Variants in NDUFA9 observed in about 807,000 individuals in gnomAD.
NDUFA9 encodes NADH:ubiquinone oxidoreductase subunit A9, also known as NADH dehydrogenase [ubiquinone] 1 alpha subcomplex subunit 9, mitochondrial.
Under a neutral mutation model 45.9 loss-of-function variants are expected in NDUFA9, and 23 were observed. The observed-to-expected ratio is 0.50, with a 90% CI of 0.36 to 0.71. The LOEUF (loss-of-function observed/expected upper bound fraction) is 0.71. Ranked by LOEUF, NDUFA9 falls within the 30% of genes least tolerant of loss-of-function variation. The probability of loss-of-function intolerance (pLI) is 0.00; values close to 1 mark genes in which losing one functional copy is unlikely to be tolerated. For synonymous variants in NDUFA9, 176 were observed against 170.5 expected (o/e 1.03, Z -0.25); for missense variants, 466 against 488.2 (o/e 0.95, Z 0.43).
intron 1 of NDUFA9, among the ~76,000 whole-genome samples, chr12:4,653,203 G>T (rs1945769591): frequency 6.6e-6 from 1 of 152,234 alleles, no homozygotes; most frequent in Non-Finnish European, 1.5e-5. Flanking sequence ...GCCATATGAA[G>T]AATATTTGAC....
intron 8 of NDUFA9, among the ~76,000 whole-genome samples, chr12:4,678,513 C>A (rs573440399): frequency 6.6e-6 from 1 of 151,876 alleles, no homozygotes; most frequent in Non-Finnish European, 1.5e-5. Flanking sequence ...AATGAAAAAA[C>A]AAGTCACAGA....
At chr12:4,677,189 A>G (rs191805393) in intron 8 of NDUFA9, among the ~76,000 whole-genome samples, 2 of 152,380 alleles carry the variant, frequency 1.3e-5, no homozygotes, top group Non-Finnish European at 2.9e-5. Flanking sequence ...ACCTAAAACC[A>G]TAAAAACCTT....
rs1946021361 is a variant in NDUFA9, at chr12:4,692,065, A to T, written c.*4957A>T. The T allele has an allele frequency of 6.6e-6, 1 of 152,156 alleles. No homozygotes were observed. The highest frequency in any genetic ancestry group is 2.1e-4 in the South Asian group (1 of 4,822). The allele number at this position is 152,156 out of a possible 1,614,324, so 9.4% of individuals were successfully genotyped here. On this transcript the variant is annotated 3_prime_UTR_variant, in exon 11 of 11. Coordinates refer to ENST00000266544, the MANE Select transcript of NDUFA9 (RefSeq NM_005002.5). ...AAAACTGGCAAGAGGCTGAGGGAAGATGTATGTCTCAAAGGGGAACTCAAA... is the reference window on the plus strand; with the variant it reads ...AAAACTGGCAAGAGGCTGAGGGAAGTTGTATGTCTCAAAGGGGAACTCAAA...
chr12:4,663,635 T>G (rs545335375), intron 6 of NDUFA9, among the ~76,000 whole-genome samples: 2 of 152,342 alleles, frequency 1.3e-5, no homozygotes, highest in East Asian at 3.9e-4. Flanking sequence ...GCTGGCACTT[T>G]GATCTTGAAT....
At chr12:4,654,606 C>A in intron 2 of NDUFA9, 144 bp downstream of exon 2, 1 of 1,007,290 alleles carries the variant, frequency 9.9e-7, no homozygotes, top group Middle Eastern at 2.2e-4. Flanking sequence ...TTTGTTGTGA[C>A]ATGAAGAGCA....
chr12:4,676,554 A>G (rs1000270616), intron 8 of NDUFA9, among the ~76,000 whole-genome samples: 2 of 152,252 alleles, frequency 1.3e-5, no homozygotes, highest in Admixed American at 6.5e-5. Context: ...ATTGCTACAA[A>G]GAGAATAAAA....
At chr12:4,675,645 T>C (rs141646473) in intron 8 of NDUFA9, among the ~76,000 whole-genome samples, 3 of 152,042 alleles carry the variant, frequency 2.0e-5, no homozygotes, top group Non-Finnish European at 2.9e-5. Context: ...CTATAACAAG[T>C]TCTGAAATTG....
chr12:4,679,079 G>A (rs1591549631), intron 8 of NDUFA9, among the ~76,000 whole-genome samples: 1 of 152,138 alleles, frequency 6.6e-6, no homozygotes, highest in East Asian at 1.9e-4. Flanking sequence ...TATAATAGAA[G>A]TTCAACAATA....
intron 8 of NDUFA9, among the ~76,000 whole-genome samples, chr12:4,674,606 A>G (rs1945907683): frequency 6.6e-6 from 1 of 152,226 alleles, no homozygotes; most frequent in Non-Finnish European, 1.5e-5. Flanking sequence ...GATCAATGCA[A>G]CAAGAAGAGC....
rs1255799405 is a variant in NDUFA9 at position 4,687,331 on chromosome 12, T to A, written c.*223T>A. The A allele has an allele frequency of 2.7e-6, 1 of 371,976 alleles. No homozygotes were observed. Among genetic ancestry groups the A allele is most frequent in the Non-Finnish European group, 4.7e-6 (1 of 211,350 alleles). The allele number at this position is 371,976 out of a possible 1,614,324, so 23.0% of individuals were successfully genotyped here. ...TAAACATATTTAATAATGATATATATACTATTTATTCTCTGAAATGCCAGA... is the reference window on the plus strand; with the variant it reads ...TAAACATATTTAATAATGATATATAAACTATTTATTCTCTGAAATGCCAGA... On this transcript the variant is annotated 3_prime_UTR_variant, in exon 11 of 11. Coordinates refer to ENST00000266544, the MANE Select transcript of NDUFA9 (RefSeq NM_005002.5).
chr12:4,685,711 T>C (rs905558130), intron 10 of NDUFA9, among the ~76,000 whole-genome samples: 3 of 150,652 alleles, frequency 2.0e-5, no homozygotes, highest in African/African-American at 7.3e-5. Flanking sequence ...CTTCCTTCTT[T>C]CTTTAACCTA....
intron 9 of NDUFA9, 84 bp downstream of exon 9, chr12:4,682,384 G>T: frequency 1.1e-6 from 1 of 883,572 alleles, no homozygotes. Flanking sequence ...AGGGTTATAG[G>T]GTGTGTGAAG....
Position 4,691,888 on chromosome 12 carries a change from T to C in NDUFA9, c.*4780T>C, listed in dbSNP as rs1446198330. 8 of 152,064 alleles carry C rather than the reference T, an allele frequency of 5.3e-5. No individual in the cohort carries two copies. Among genetic ancestry groups the C allele is most frequent in the African/African-American group, 1.4e-4 (6 of 41,400 alleles). 9.4% of individuals were successfully genotyped at this position (152,064 alleles called of 1,614,324 possible). On this transcript the variant is annotated 3_prime_UTR_variant, in exon 11 of 11. Coordinates refer to ENST00000266544, the MANE Select transcript of NDUFA9 (RefSeq NM_005002.5). ...AGGAAGAGTAAACATCTCATCCTTA[T>C]GACAGGAAGTAGTCCTGCAGCTTGG...
At chr12:4,663,195 T>C (rs984558422) in intron 6 of NDUFA9, among the ~76,000 whole-genome samples, 4 of 152,240 alleles carry the variant, frequency 2.6e-5, no homozygotes, top group African/African-American at 9.6e-5. Context: ...TATTCCATTG[T>C]GTATATTCCA....
At chr12:4,657,302 T>G (rs1167847151) in intron 3 of NDUFA9, 1 of 154,808 alleles carries the variant, frequency 6.5e-6, no homozygotes, top group Non-Finnish European at 1.4e-5. Flanking sequence ...AACACTAGTC[T>G]TTAAAAGACA....
chr12:4,672,590 C>T (rs1196163920), intron 8 of NDUFA9, among the ~76,000 whole-genome samples: 1 of 152,162 alleles, frequency 6.6e-6, no homozygotes, highest in Non-Finnish European at 1.5e-5. Flanking sequence ...GTGGTTTTCC[C>T]CTCACAGTAA....
In NDUFA9 at chr12:4,669,802, C is replaced by T. The variant is rs1945875608; in HGVS notation, c.785C>T (p.Ser262Phe). 6.2e-7 allele frequency: 1 copy of T among 1,612,126 alleles called. No homozygotes were observed. The change falls in exon 8 of 11, where the codon TCC (serine) becomes TTC (phenylalanine). Residue 262 changes from serine to phenylalanine, a missense_variant. Physicochemically the swap from Ser to Phe is radical, Grantham distance 155. Transcript: ENST00000266544. ...AVKDPDANGK[S>F]FAFVGPSRYL... Reference sequence around the variant, plus strand: ...AAGGATCCTGATGCCAATGGGAAATCCTTTGCTTTCGTTGGGTAAGTGCTT... The same window carrying T: ...AAGGATCCTGATGCCAATGGGAAATTCTTTGCTTTCGTTGGGTAAGTGCTT...
chr12:4,658,876 C>G lies in NDUFA9; in HGVS notation c.411-160C>G, dbSNP rs371555112. On this transcript the variant is annotated intron_variant, in intron 4 of 10. Transcript: ENST00000266544. Reference sequence around the variant, plus strand: ...AAGTGCTGGGATTACAGGCATGAGCCACCACACCTGGCCAAATTTAGCTTT... The same window carrying G: ...AAGTGCTGGGATTACAGGCATGAGCGACCACACCTGGCCAAATTTAGCTTT... Among the ~76,000 whole-genome samples the G allele has an allele frequency of 4.5e-4, 69 of 152,272 alleles. 2 individuals carry two copies. The highest frequency in any genetic ancestry group is 1.1e-3 in the African/African-American group (44 of 41,546).
At chr12:4,675,811 G>A (rs1436322113) in intron 8 of NDUFA9, among the ~76,000 whole-genome samples, 1 of 152,180 alleles carries the variant, frequency 6.6e-6, no homozygotes, top group Non-Finnish European at 1.5e-5. Flanking sequence ...TTCATTTTAT[G>A]AGGCCAGCAT....
Sources: gnomAD v4.1 joint callset for allele counts (sites outside exome capture counted in the v4.1 genomes callset) on GRCh38, gnomAD v4.1.1 for gene constraint, MANE v1.5 for transcripts, NCBI Gene and HGNC (gene_info 2026-07-23, HGNC 2026-07-21) for gene names.